PNPLA8: variants seen among roughly 807,000 people sequenced by gnomAD.
PNPLA8 encodes the protein patatin like domain 8, phospholipase A2.
A neutral mutation model predicts 76.9 loss-of-function variants in PNPLA8; 39 were observed. That is an observed-to-expected ratio of 0.51 (90% CI 0.39 to 0.66). The LOEUF is 0.66. Among genes scored for constraint, PNPLA8 ranks in the 30% least tolerant of loss-of-function variants. PNPLA8 has a pLI of 0.00. For synonymous variants in PNPLA8, 301 were observed against 307.9 expected (o/e 0.98, Z 0.24); for missense variants, 887 against 918.0 (o/e 0.97, Z 0.44).
chr7:108,491,999 G>A (rs1260837846), intron 7 of PNPLA8, among the ~76,000 whole-genome samples: 5 of 152,168 alleles, frequency 3.3e-5, no homozygotes, highest in Non-Finnish European at 1.5e-5. Flanking sequence ...AATCATCAGA[G>A]TTGGCATTTG....
chr7:108,527,408 T>A (rs763079740), upstream of PNPLA8, among the ~76,000 whole-genome samples: 2 of 152,104 alleles, frequency 1.3e-5, no homozygotes, highest in African/African-American at 2.4e-5. Flanking sequence ...TACAGGAGAG[T>A]TAAAAGATGT....
chr7:108,510,514 C>G lies in PNPLA8; in HGVS notation c.1206+3630G>C, dbSNP rs144242138. The G allele has an allele frequency of 1.4e-4, 187 of 1,368,046 alleles. No individual in the cohort carries two copies. In the African/African-American group the frequency reaches 2.4e-3, roughly 18 times the overall value. The allele number at this position is 1,368,046 out of a possible 1,614,324, so 84.7% of individuals were successfully genotyped here. On this transcript the variant is annotated intron_variant, in intron 4 of 10. Transcript: ENST00000257694. Reference sequence around the variant, plus strand: ...CCAAACTGGCATTTGTCATCAGAATCAGAGGTATCAGTGGCGTGAGCCCAA... The same window carrying G: ...CCAAACTGGCATTTGTCATCAGAATGAGAGGTATCAGTGGCGTGAGCCCAA...
chr7:108,507,901 T>C (rs40857), intron 4 of PNPLA8, among the ~76,000 whole-genome samples: 38,717 of 141,640 alleles, frequency 0.27, 5,543 homozygotes, highest in African/African-American at 0.31. Context: ...ATCCAGCATA[T>C]AAACAGAGCC....
rs147366260 is a variant in PNPLA8 at position 108,500,871 on chromosome 7, G to A, written c.1358+1620C>T. Among the ~76,000 whole-genome samples, 1,167 of 151,860 alleles carry A rather than the reference G, an allele frequency of 7.7e-3. 14 individuals carry two copies. Among genetic ancestry groups the A allele is most frequent in the African/African-American group, 0.026 (1,087 of 41,376 alleles). On this transcript the variant is annotated intron_variant, in intron 5 of 10. Transcript: ENST00000257694. ...GGAGGTTGCAGTGAGCCGAGATCAC[G>A]TCACTGCACTCCAGCCCGGACAACC... is the stretch of plus-strand genomic sequence containing the variant.
In PNPLA8 at chr7:108,519,588, C is replaced by T. The variant is rs557630862; in HGVS notation, c.-84+1888G>A. Among the ~76,000 whole-genome samples, 8 of 152,196 alleles carry T rather than the reference C, an allele frequency of 5.3e-5. No individual in the cohort carries two copies. In the South Asian group the frequency reaches 1.7e-3, roughly 32 times the overall value. ...AATCCTTCCTTCTAAATTGCATGTG[C>T]CATTTAGAATTATCTAAAGGAAGAG... On this transcript the variant is annotated intron_variant, in intron 2 of 10. Coordinates refer to ENST00000257694, the MANE Select transcript of PNPLA8 (RefSeq NM_001256007.3).
At chr7:108,497,628 A>T (rs774863117) in intron 5 of PNPLA8, 51 bp from the exon 6 acceptor site, 1 of 1,056,624 alleles carries the variant, frequency 9.5e-7, no homozygotes. Context: ...AAGAAAAAAT[A>T]ATTTAAGCTG....
intron 8 of PNPLA8, 46 bp from the exon 9 acceptor site, chr7:108,487,999 T>C (rs749084206): frequency 5.0e-6 from 6 of 1,189,778 alleles, no homozygotes; most frequent in Non-Finnish European, 6.1e-6. Flanking sequence ...CAGTAATATA[T>C]TTGGGATCTG....
In PNPLA8 at chr7:108,502,499, TC is replaced by T; in HGVS notation, c.1349del (p.Gly450GlufsTer15). On this transcript the variant is annotated frameshift_variant, in exon 5 of 11. Coordinates refer to ENST00000257694, the MANE Select transcript of PNPLA8 (RefSeq NM_001256007.3). LOFTEE classifies it high-confidence loss of function. ...CATGTTCCTAGCCTTACCTTGTTCCTCCACCATCAATTGAGAGAATTCGGAT... is the reference window on the plus strand; with the variant it reads ...CATGTTCCTAGCCTTACCTTGTTCCTCACCATCAATTGAGAGAATTCGGAT... ...RGIRILSIDG[G>X]GTRGVVALQT... 1.1e-6 allele frequency: 1 copy of T among 903,760 alleles called. No individual in the cohort carries two copies. Among genetic ancestry groups the T allele is most frequent in the Non-Finnish European group, 1.7e-6 (1 of 584,492 alleles). 56.0% of individuals were successfully genotyped at this position (903,760 alleles called of 1,614,324 possible).
chr7:108,496,665 G>A lies in PNPLA8; in HGVS notation c.1544C>T (p.Ser515Leu). 2 of 1,612,222 alleles carry A rather than the reference G, an allele frequency of 1.2e-6. No homozygotes were observed. The highest frequency in any genetic ancestry group is 1.7e-6 in the Non-Finnish European group (2 of 1,178,850). The change falls in exon 7 of 11, where the codon TCA becomes TTA. Residue 515 changes from serine to leucine, a missense_variant. Coordinates refer to ENST00000257694, the MANE Select transcript of PNPLA8 (RefSeq NM_001256007.3). ...TACTGTTCCAACAATGACATTTTGT[G>A]AAAATACATCTGATCCTAATTTTCG... ...LYRKLGSDVFSQNVIVGTVKM... is the reference protein window; with the variant it reads ...LYRKLGSDVFLQNVIVGTVKM...
Position 108,514,638 on chromosome 7 carries a change from T to G in PNPLA8, c.854A>C (p.Gln285Pro). Residue 285 changes from glutamine to proline, a missense_variant, in exon 3 of 11, where the codon CAA (glutamine) becomes CCA (proline). Transcript: ENST00000257694. ...ACGAGAAAGAAAGTTAGCAATACTT[T>G]GTTTAGTTGAAACTTGAAGAACATC... ...IPDVLQVSTK[Q>P]SIANFLSRPT... 1 of 1,614,034 alleles carries G rather than the reference T, an allele frequency of 6.2e-7. No individual in the cohort carries two copies. Among genetic ancestry groups the G allele is most frequent in the Non-Finnish European group, 8.5e-7 (1 of 1,179,900 alleles).
At chr7:108,527,277 A>AT (rs1564001806), upstream of PNPLA8, among the ~76,000 whole-genome samples, 1 of 152,086 alleles carries the variant, frequency 6.6e-6, no homozygotes, top group South Asian at 2.1e-4. Flanking sequence ...TGTTGTTTTG[A>AT]TTTTTTTAAA....
Position 108,510,849 on chromosome 7 carries a change from T to C in PNPLA8, c.1206+3295A>G, listed in dbSNP as rs1862866725. The C allele has an allele frequency of 9.4e-6, 15 of 1,597,828 alleles. No individual in the cohort carries two copies. In the South Asian group the frequency reaches 1.6e-4, roughly 18 times the overall value. On this transcript the variant is annotated intron_variant, in intron 4 of 10. Transcript: ENST00000257694. The stretch of plus-strand genomic sequence containing the variant: ...AAACGCTTCAAAGAGGCAAATAACT[T>C]CCTGTGGCCCTTCAAATTGTCTTCT...
At chr7:108,475,236 C>G (rs189930574) in intron 10 of PNPLA8, among the ~76,000 whole-genome samples, 7 of 152,268 alleles carry the variant, frequency 4.6e-5, no homozygotes, top group Non-Finnish European at 1.0e-4. Context: ...GAGCTGTATA[C>G]TTATTATATA....
At chr7:108,510,743 A>G (rs1030889351) in intron 4 of PNPLA8, 1 of 1,601,392 alleles carries the variant, frequency 6.2e-7, no homozygotes, top group African/African-American at 1.3e-5. Context: ...TTTGACAGAT[A>G]ACGCTTTGAT....
At chr7:108,524,674 C>T (rs1245347129) in intron 1 of PNPLA8, among the ~76,000 whole-genome samples, 2 of 152,078 alleles carry the variant, frequency 1.3e-5, no homozygotes, top group African/African-American at 4.8e-5. Flanking sequence ...AAAAAATTAG[C>T]CGGGTGTGGT....
chr7:108,487,430 T>G (rs897100885), intron 9 of PNPLA8, among the ~76,000 whole-genome samples: 11 of 152,202 alleles, frequency 7.2e-5, no homozygotes, highest in African/African-American at 2.7e-4. Context: ...GGTTCTGCAT[T>G]TTCAGGGAGT....
At chr7:108,510,442 G>A in intron 4 of PNPLA8, 5 of 1,463,622 alleles carry the variant, frequency 3.4e-6, no homozygotes, top group Non-Finnish European at 4.7e-6. Flanking sequence ...AAATTCGAAT[G>A]GCGAGGATGG....
Position 108,471,561 on chromosome 7 carries a change from G to A in PNPLA8, c.*840C>T, listed in dbSNP as rs1213433480. 4 of 152,054 alleles carry A rather than the reference G, an allele frequency of 2.6e-5. No homozygotes were observed. The highest frequency in any genetic ancestry group is 5.9e-5 in the Non-Finnish European group (4 of 67,998). 9.4% of individuals were successfully genotyped at this position (152,054 alleles called of 1,614,324 possible). A position where few individuals can be genotyped will look rare whatever the true frequency, so the allele number is the denominator to read the frequency against. On this transcript the variant is annotated 3_prime_UTR_variant, in exon 11 of 11. Transcript: ENST00000257694. ...ATACTGCTGCCAGGTGTATTCAAAGGCTAAAGGGGAGCTACATTATGAACA... is the reference window on the plus strand; with the variant it reads ...ATACTGCTGCCAGGTGTATTCAAAGACTAAAGGGGAGCTACATTATGAACA...
intron 10 of PNPLA8, among the ~76,000 whole-genome samples, chr7:108,476,409 C>T (rs970033879): frequency 2.6e-5 from 4 of 152,186 alleles, no homozygotes; most frequent in Non-Finnish European, 4.4e-5. Flanking sequence ...TGAGCCATCA[C>T]GGAAATGTGA....
Sources: gnomAD v4.1 joint callset for allele counts (sites outside exome capture counted in the v4.1 genomes callset) on GRCh38, gnomAD v4.1.1 for gene constraint, MANE v1.5 for transcripts, NCBI Gene and HGNC (gene_info 2026-07-23, HGNC 2026-07-21) for gene names.